Variants in OR4K17 observed in about 807,000 individuals in gnomAD.
OR4K17 encodes the protein olfactory receptor 4K17.
For synonymous variants in OR4K17, 157 were observed against 132.8 expected, an observed-to-expected ratio of 1.18 and a Z score of -1.25; for missense variants, 480 against 366.3, an observed-to-expected ratio of 1.31 and a Z score of -2.53.
Position 20,118,367 on chromosome 14 carries a change from A to AG in OR4K17, c.869dup (p.Asn291LysfsTer19), listed in dbSNP as rs1448726609. 1.2e-6 allele frequency: 2 copies of AG among 1,610,444 alleles called. No individual in the cohort carries two copies. Among genetic ancestry groups the AG allele is most frequent in the Admixed American group, 3.3e-5 (2 of 59,822 alleles). ...CTTGAATCCAATTATCTATACTCTG[A>AG]GAAACAAAGAAATGAAGATATCCAT... On this transcript the variant is annotated frameshift_variant, in exon 2 of 2. Coordinates refer to ENST00000641386, the MANE Select transcript of OR4K17 (RefSeq NM_001004715.5). LOFTEE classifies it low-confidence loss of function (END_TRUNC).
At chr14:20,117,380 A>G (rs2139055881) in intron 1 of OR4K17, 88 bp from the exon 2 acceptor site, 1 of 1,490,364 alleles carries the variant, frequency 6.7e-7, no homozygotes, top group Non-Finnish European at 9.1e-7. Context: ...GAAAGATCCA[A>G]AGGAATGCAT....
intron 1 of OR4K17, among the ~76,000 whole-genome samples, chr14:20,113,271 A>T (rs954264986): frequency 6.6e-6 from 1 of 152,072 alleles, no homozygotes; most frequent in Non-Finnish European, 1.5e-5. Flanking sequence ...ATCATCCAAC[A>T]TTTTCTTTTT....
At chr14:20,117,044 A>G (rs1952824) in intron 1 of OR4K17, among the ~76,000 whole-genome samples, 43,139 of 151,978 alleles carry the variant, frequency 0.28, 6,556 homozygotes, top group African/African-American at 0.37. Flanking sequence ...TCTTAAGGTC[A>G]TTATGGGAAA....
intron 1 of OR4K17, 139 bp from the exon 2 acceptor site, chr14:20,117,329 A>G: frequency 1.0e-6 from 1 of 985,916 alleles, no homozygotes; most frequent in Non-Finnish European, 1.5e-6. Flanking sequence ...CCTTTTTCAG[A>G]CTTAATAGAT....
rs766818757 is a variant in OR4K17 at position 20,117,447 on chromosome 14, A to T, written c.-32-21A>T. On this transcript the variant is annotated intron_variant, in intron 1 of 1. Transcript: ENST00000641386. ...TCACTCATACTCCATGGTATGAGTG[A>T]TCTTTTCTTTCTCTCTACAGGTCAT... 6.8e-6 allele frequency: 11 copies of T among 1,611,236 alleles called. No homozygotes were observed. Among genetic ancestry groups the T allele is most frequent in the Non-Finnish European group, 9.3e-6 (11 of 1,179,168 alleles).
rs1878079506 is a variant in OR4K17 at position 20,118,598 on chromosome 14, C to T, written c.*160C>T. On this transcript the variant is annotated 3_prime_UTR_variant, in exon 2 of 2. Coordinates refer to ENST00000641386, the MANE Select transcript of OR4K17 (RefSeq NM_001004715.5). The stretch of plus-strand genomic sequence containing the variant: ...GTCTGAGAAATAAAGGGAAAGAATA[C>T]AAAAGAGAGAAATTTTAAAGCTGGG... 3.8e-6 allele frequency: 2 copies of T among 529,494 alleles called. No homozygotes were observed. The highest frequency in any genetic ancestry group is 1.9e-5 in the African/African-American group (1 of 51,802). 32.8% of individuals were successfully genotyped at this position (529,494 alleles called of 1,614,324 possible).
chr14:20,116,741 G>A (rs764315750), intron 1 of OR4K17, among the ~76,000 whole-genome samples: 37 of 152,130 alleles, frequency 2.4e-4, no homozygotes, highest in Admixed American at 4.6e-4. Flanking sequence ...GTATTCATCC[G>A]TGTTGCTTAA....
chr14:20,112,718 T>C (rs1877907504), intron 1 of OR4K17, among the ~76,000 whole-genome samples: 2 of 152,038 alleles, frequency 1.3e-5, no homozygotes, highest in East Asian at 3.9e-4. Context: ...AATACATCTG[T>C]CGAGGTGAGA....
chr14:20,117,274 G>A (rs1594195500), intron 1 of OR4K17, 194 bp from the exon 2 acceptor site: 2 of 625,888 alleles, frequency 3.2e-6, no homozygotes, highest in East Asian at 2.8e-5. Context: ...AGCATCAATA[G>A]GTCATTGCTC....
At position 20,117,451 on chromosome 14, in the gene OR4K17, T is replaced by C; in HGVS notation, c.-32-17T>C. Reference sequence around the variant, plus strand: ...TCATACTCCATGGTATGAGTGATCTTTTCTTTCTCTCTACAGGTCATCCAA... The same window carrying C: ...TCATACTCCATGGTATGAGTGATCTCTTCTTTCTCTCTACAGGTCATCCAA... On this transcript the variant is annotated splice_polypyrimidine_tract_variant and intron_variant, in intron 1 of 1. Coordinates refer to ENST00000641386, the MANE Select transcript of OR4K17 (RefSeq NM_001004715.5). 6.2e-7 allele frequency: 1 copy of C among 1,611,742 alleles called. No individual in the cohort carries two copies. Among genetic ancestry groups the C allele is most frequent in the Middle Eastern group, 1.7e-4 (1 of 6,030 alleles).
chr14:20,117,160 A>T (rs917081782), intron 1 of OR4K17, among the ~76,000 whole-genome samples: 2 of 152,212 alleles, frequency 1.3e-5, no homozygotes, highest in African/African-American at 2.4e-5. Flanking sequence ...ACCATCTTTC[A>T]ACCCAGAAAG....
Position 20,117,488 on chromosome 14 carries a change from A to G in OR4K17, c.-12A>G, listed in dbSNP as rs762238496. 2 of 1,613,252 alleles carry G rather than the reference A, an allele frequency of 1.2e-6. No individual in the cohort carries two copies. Among genetic ancestry groups the G allele is most frequent in the Admixed American group, 1.7e-5 (1 of 60,008 alleles). On this transcript the variant is annotated 5_prime_UTR_variant, in exon 2 of 2. Coordinates refer to ENST00000641386, the MANE Select transcript of OR4K17 (RefSeq NM_001004715.5). Reference sequence around the variant, plus strand: ...TACAGGTCATCCAAGAGCGAGCTGTAGGATGGAGGCCATGAAACTATTAAA... The same window carrying G: ...TACAGGTCATCCAAGAGCGAGCTGTGGGATGGAGGCCATGAAACTATTAAA...
At position 20,118,303 on chromosome 14, in the gene OR4K17, T is replaced by G; in HGVS notation, c.804T>G (p.Asp268Glu). ...YIWPFGNHSV[D>E]KFLAVFYTII... ...GGCCCTTCGGCAACCACTCTGTAGA[T>G]AAGTTCCTTGCTGTGTTTTATACCA... Residue 268 changes from aspartate (D) to glutamate (E), a missense_variant, in exon 2 of 2, where the codon GAT (aspartate) becomes GAG (glutamate). Physicochemically the swap from Asp to Glu is conservative, Grantham distance 45. Coordinates refer to ENST00000641386, the MANE Select transcript of OR4K17 (RefSeq NM_001004715.5). 1 of 1,613,822 alleles carries G rather than the reference T, an allele frequency of 6.2e-7. No individual in the cohort carries two copies. Among genetic ancestry groups the G allele is most frequent in the South Asian group, 1.1e-5 (1 of 91,074 alleles).
At chr14:20,116,317 C>T (rs1280268866) in intron 1 of OR4K17, among the ~76,000 whole-genome samples, 1 of 152,112 alleles carries the variant, frequency 6.6e-6, no homozygotes, top group East Asian at 1.9e-4. Flanking sequence ...GAATTTTCTG[C>T]ATAATCTGTC....
chr14:20,118,514 G>A lies in OR4K17; in HGVS notation c.*76G>A. The A allele has an allele frequency of 1.3e-6, 1 of 795,570 alleles. No homozygotes were observed. The highest frequency in any genetic ancestry group is 1.8e-5 in the South Asian group (1 of 54,772). 49.3% of individuals were successfully genotyped at this position (795,570 alleles called of 1,614,324 possible). A position where few individuals can be genotyped will look rare whatever the true frequency, so the allele number is the denominator to read the frequency against. ...CCCACACTTTGGGAGGAATATCAGG[G>A]GAACCAGCCCCCAATATTTCAACAT... On this transcript the variant is annotated 3_prime_UTR_variant, in exon 2 of 2. Coordinates refer to ENST00000641386, the MANE Select transcript of OR4K17 (RefSeq NM_001004715.5).
rs772034214 is a variant in OR4K17 at position 20,118,944 on chromosome 14, C to G, written c.*506C>G. On this transcript the variant is annotated 3_prime_UTR_variant, in exon 2 of 2. Coordinates refer to ENST00000641386, the MANE Select transcript of OR4K17 (RefSeq NM_001004715.5). ...CTAAAATTTACTAGGCAGGAATTTC[C>G]TCACCCTAATAGGCCTGGGGACACT... 1.3e-5 allele frequency: 2 copies of G among 155,576 alleles called. No individual in the cohort carries two copies. Among genetic ancestry groups the G allele is most frequent in the African/African-American group, 2.4e-5 (1 of 41,450 alleles). The allele number at this position is 155,576 out of a possible 1,614,324, so 9.6% of individuals were successfully genotyped here.
In OR4K17 at chr14:20,118,804, A is replaced by G. The variant is rs956168664; in HGVS notation, c.*366A>G. 16 of 165,954 alleles carry G rather than the reference A, an allele frequency of 9.6e-5. No individual in the cohort carries two copies. The highest frequency in any genetic ancestry group is 5.2e-5 in the Non-Finnish European group (4 of 76,930). The allele number at this position is 165,954 out of a possible 1,614,324, so 10.3% of individuals were successfully genotyped here. ...AGGCAAATGGGGACAGAGCAAGATC[A>G]CAGGACCAGGGTGAAATTAACATTG... On this transcript the variant is annotated 3_prime_UTR_variant, in exon 2 of 2. Transcript: ENST00000641386.
intron 1 of OR4K17, among the ~76,000 whole-genome samples, chr14:20,111,300 T>C: frequency 6.6e-6 from 1 of 152,008 alleles, no homozygotes; most frequent in East Asian, 1.9e-4. Flanking sequence ...ATAAGGGTAG[T>C]ACTATGAGGG....
rs1272358645 is a variant in OR4K17 at position 20,118,324 on chromosome 14, T to C, written c.825T>C (p.Tyr275=). ...TAGATAAGTTCCTTGCTGTGTTTTA[T>C]ACCATCATCACTCCTATCTTGAATC... ...HSVDKFLAVF[Y]TIITPILNPI... Residue 275 remains tyrosine, a synonymous_variant, in exon 2 of 2, where the codon TAT becomes TAC. Coordinates refer to ENST00000641386, the MANE Select transcript of OR4K17 (RefSeq NM_001004715.5). 2 of 1,612,934 alleles carry C rather than the reference T, an allele frequency of 1.2e-6. No individual in the cohort carries two copies. The highest frequency in any genetic ancestry group is 1.6e-4 in the Middle Eastern group (1 of 6,062).
Sources: allele counts gnomAD v4.1 joint callset (sites outside exome capture counted in the v4.1 genomes callset), GRCh38; gene constraint gnomAD v4.1.1; transcripts MANE v1.5; gene names NCBI Gene and HGNC (gene_info 2026-07-23, HGNC 2026-07-21).